Variants in GATA4 observed in about 807,000 individuals in gnomAD.
GATA4 encodes the protein transcription factor GATA-4.
Under a neutral mutation model 37.9 loss-of-function variants are expected in GATA4, and 7 were observed. The ratio of observed to expected loss-of-function variants is 0.18; its 90% CI spans 0.11 to 0.35. The LOEUF is 0.35. GATA4 is among the 10% of genes least tolerant of loss of function. The pLI is 1.00. For synonymous variants in GATA4, 372 were observed against 292.6 expected (o/e 1.27, Z -2.77); for missense variants, 647 against 653.0 (o/e 0.99, Z 0.10).
chr8:11,697,684 G>C (rs531815381), intron 1 of GATA4: 1 of 985,364 alleles, frequency 1.0e-6, no homozygotes, highest in African/African-American at 1.7e-5. Context: ...GCGGACCAGA[G>C]GCTGTTTTCG....
At chr8:11,754,905 G>T in intron 4 of GATA4, 141 bp from the exon 5 acceptor site, 1 of 695,588 alleles carries the variant, frequency 1.4e-6, no homozygotes, top group Non-Finnish European at 2.6e-6. Context: ...AGTTCCAGGG[G>T]CCTGTGCAGC....
At chr8:11,691,356 A>G (rs1292590449), upstream of GATA4, among the ~76,000 whole-genome samples, 2 of 152,208 alleles carry the variant, frequency 1.3e-5, no homozygotes, top group East Asian at 1.9e-4. Context: ...GCTGGCGTGC[A>G]GTGGTGCCAT....
chr8:11,756,832 G>A, intron 5 of GATA4, 103 bp from the exon 6 acceptor site: 1 of 1,490,796 alleles, frequency 6.7e-7, no homozygotes, highest in Middle Eastern at 1.8e-4. Flanking sequence ...GGCAAATGTA[G>A]ATAAAGCCAT....
upstream of GATA4, chr8:11,700,784 A>C (rs1283294071): frequency 6.6e-6 from 1 of 152,154 alleles, no homozygotes; most frequent in East Asian, 1.9e-4. Context: ...ATGAGGTTTG[A>C]TTCTCTCTGG....
chr8:11,754,277 C>A lies in GATA4; in HGVS notation c.913-769C>A, dbSNP rs145818527. 3.8e-3 allele frequency among the ~76,000 whole-genome samples: 575 copies of A among 152,318 alleles called. 2 individuals carry two copies. Among genetic ancestry groups the A allele is most frequent in the African/African-American group, 0.013 (546 of 41,562 alleles). On this transcript the variant is annotated intron_variant, in intron 4 of 6. Coordinates refer to ENST00000532059, the MANE Select transcript of GATA4 (RefSeq NM_001308093.3). The stretch of plus-strand genomic sequence containing the variant: ...CACCACCCAGGCTGGAGTGCAGTGG[C>A]ACGATCACGGCTTGCTGGAGCCTCG...
At chr8:11,692,068 G>A (rs967895448), upstream of GATA4, 3 of 985,226 alleles carry the variant, frequency 3.0e-6, no homozygotes, top group Non-Finnish European at 3.6e-6. Flanking sequence ...GTGGCCGTGG[G>A]TGCTTTCCGT....
intron 2 of GATA4, among the ~76,000 whole-genome samples, chr8:11,713,352 AT>A (rs1800284437): frequency 6.6e-6 from 1 of 152,168 alleles, no homozygotes; most frequent in South Asian, 2.1e-4. Context: ...AGTCTTACTC[AT>A]TTTTAAGTGC....
chr8:11,689,087 G>T (rs1799231657), upstream of GATA4, among the ~76,000 whole-genome samples: 1 of 152,160 alleles, frequency 6.6e-6, no homozygotes, highest in African/African-American at 2.4e-5. Context: ...AAGCGACTTT[G>T]CTCTTAGCTG....
At chr8:11,727,826 CA>C (rs71539740) in intron 2 of GATA4, among the ~76,000 whole-genome samples, 41 of 134,954 alleles carry the variant, frequency 3.0e-4, no homozygotes, top group South Asian at 4.7e-4. Flanking sequence ...GACTCTGTCT[CA>C]AAAAAAAAAA....
rs534940969 is a variant in GATA4 at position 11,684,289 on chromosome 8, C to T, written c.-274+7226C>T. 7.9e-5 allele frequency among the ~76,000 whole-genome samples: 12 copies of T among 152,356 alleles called. No homozygotes were observed. The South Asian group carries it at 2.1e-3, about 26-fold the overall frequency. On this transcript the variant is annotated intron_variant, in intron 1 of 6. Coordinates refer to the GATA4 transcript ENST00000528712. The stretch of plus-strand genomic sequence containing the variant: ...ATTGCCAGAGCCTAGATTCTAGATT[C>T]TAGTTCCCACACAAACACCTACAAG...
intron 1 of GATA4, among the ~76,000 whole-genome samples, chr8:11,677,818 G>A (rs1798831267): frequency 6.6e-6 from 1 of 152,000 alleles, no homozygotes; most frequent in Non-Finnish European, 1.5e-5. Context: ...GTGGGGGTGG[G>A]TTTTGCAGGT....
upstream of GATA4, among the ~76,000 whole-genome samples, chr8:11,690,561 C>CA (rs960361675): frequency 4.6e-5 from 7 of 151,754 alleles, no homozygotes; most frequent in East Asian, 1.2e-3. Flanking sequence ...ATTAAAAAAA[C>CA]AAAAAAAAGC....
chr8:11,686,545 C>A (rs1377484065), intron 1 of GATA4, among the ~76,000 whole-genome samples: 2 of 152,186 alleles, frequency 1.3e-5, no homozygotes, highest in Non-Finnish European at 2.9e-5. Flanking sequence ...CTCTTCCCTT[C>A]TTCATCTACA....
chr8:11,699,754 C>G (rs1485059388), upstream of GATA4, among the ~76,000 whole-genome samples: 3 of 152,218 alleles, frequency 2.0e-5, 1 homozygote, highest in South Asian at 6.2e-4. Flanking sequence ...CTATGGTGTC[C>G]GTCCTGAACT....
intron 2 of GATA4, among the ~76,000 whole-genome samples, chr8:11,712,519 TA>T (rs1323775096): frequency 6.6e-6 from 1 of 151,476 alleles, no homozygotes; most frequent in Admixed American, 6.6e-5. Context: ...AGCAATTTTT[TA>T]AAAAAAGAAA....
chr8:11,697,099 C>G (rs1168865830), intron 1 of GATA4, among the ~76,000 whole-genome samples: 1 of 152,226 alleles, frequency 6.6e-6, no homozygotes, highest in Non-Finnish European at 1.5e-5. Context: ...GCGGAGGGCT[C>G]CATTTCACTG....
upstream of GATA4, among the ~76,000 whole-genome samples, chr8:11,699,603 C>T (rs1011350508): frequency 3.9e-5 from 6 of 152,246 alleles, no homozygotes; most frequent in East Asian, 1.9e-4. Flanking sequence ...TACATGGCGG[C>T]GCCTGCGTGG....
intron 1 of GATA4, among the ~76,000 whole-genome samples, chr8:11,687,595 C>G (rs1202018243): frequency 2.6e-5 from 4 of 152,168 alleles, no homozygotes; most frequent in African/African-American, 4.8e-5. Context: ...ACCATTTCCC[C>G]CTTTTTATAG....
rs1262809632 is a variant in GATA4, at chr8:11,709,270, C to T, written c.616+342C>T. Among the ~76,000 whole-genome samples the T allele has an allele frequency of 6.6e-6, 1 of 152,224 alleles. No individual in the cohort carries two copies. Among genetic ancestry groups the T allele is most frequent in the African/African-American group, 2.4e-5 (1 of 41,456 alleles). On this transcript the variant is annotated intron_variant, in intron 2 of 6. Transcript: ENST00000532059. The surrounding 1 kb of genome is among the most constrained non-coding windows in gnomAD (Gnocchi z 4.3). ...AGCGGGCTCCCTGGAGAGCCGGGGG[C>T]AGCGGCCTGGGATTTCCTCGTGGAA...
Sources: allele counts gnomAD v4.1 joint callset (sites outside exome capture counted in the v4.1 genomes callset), GRCh38; gene constraint gnomAD v4.1.1; non-coding constraint Gnocchi (gnomAD v3.1); transcripts MANE v1.5; gene names NCBI Gene and HGNC (gene_info 2026-07-23, HGNC 2026-07-21).